The following CHD7 variants were observed in gnomAD, a reference collection of about 807,000 sequenced individuals.
CHD7 encodes the protein chromodomain helicase DNA binding protein 7.
A neutral mutation model predicts 307.3 loss-of-function variants in CHD7; 24 were observed. The observed-to-expected ratio is 0.08, with a 90% confidence interval of 0.06 to 0.11. CHD7 has a LOEUF of 0.11. Among genes scored for constraint, CHD7 ranks in the 10% least tolerant of loss-of-function variants. CHD7 has a pLI of 1.00. For missense variants in CHD7, 3,106 were observed against 3,727.1 expected (o/e 0.83, Z 4.34); for synonymous variants, 1,363 against 1,349.9 (o/e 1.01, Z -0.21).
In CHD7 at chr8:60,865,329, C is replaced by A. The variant is rs777405813; in HGVS notation, c.8390C>A (p.Pro2797His). ...GDAKNPAAVL[P>H]LMLPGMAGLP... ...GCGAAGAACCCTGCTGCTGTGCTGC[C>A]CCTGATGCTGCCAGGAATGGCGGGC... is the stretch of plus-strand genomic sequence containing the variant. Residue 2797 changes from proline to histidine, a missense_variant, in exon 38 of 38, where the codon CCC becomes CAC. Coordinates refer to ENST00000423902, the MANE Select transcript of CHD7 (RefSeq NM_017780.4). This position sits in a 1 kb window ranked among gnomAD's most constrained non-coding sequence, Gnocchi z 4.3. 1 of 1,612,356 alleles carries A rather than the reference C, an allele frequency of 6.2e-7. No individual in the cohort carries two copies. Among genetic ancestry groups the A allele is most frequent in the South Asian group, 1.1e-5 (1 of 90,788 alleles).
chr8:60,712,326 A>G (rs1439185331), intron 1 of CHD7, among the ~76,000 whole-genome samples: 1 of 152,332 alleles, frequency 6.6e-6, no homozygotes, highest in African/African-American at 2.4e-5. Context: ...GGTGTTTGGT[A>G]TCATTCTAAG....
In CHD7 at chr8:60,741,825, TGAGAG is replaced by T. The variant is rs754508814; in HGVS notation, c.395_399del (p.Glu132AlafsTer153). ...TGGGTGTCTACCCTGGCATGCAGAA[TGAGAG>T]GCATGGGCAATCCTTTGTGGACAGC... On this transcript the variant is annotated frameshift_variant, in exon 2 of 38. Coordinates refer to ENST00000423902, the MANE Select transcript of CHD7 (RefSeq NM_017780.4). LOFTEE classifies it high-confidence loss of function. The T allele has an allele frequency of 1.2e-6, 2 of 1,613,892 alleles. No individual in the cohort carries two copies. Among genetic ancestry groups the T allele is most frequent in the South Asian group, 2.2e-5 (2 of 91,060 alleles).
chr8:60,859,402 G>A (rs1805861872), intron 34 of CHD7, among the ~76,000 whole-genome samples: 1 of 152,230 alleles, frequency 6.6e-6, no homozygotes, highest in Non-Finnish European at 1.5e-5. Context: ...ACTATTCCCT[G>A]TGCCAGCACT....
chr8:60,851,531 A>T (rs1044464023), intron 28 of CHD7, among the ~76,000 whole-genome samples: 1 of 152,234 alleles, frequency 6.6e-6, no homozygotes, highest in African/African-American at 2.4e-5. Context: ...CTTTGATGAT[A>T]ATTAGCTGAT....
chr8:60,803,740 A>G (rs1203413424), intron 6 of CHD7, among the ~76,000 whole-genome samples: 1 of 152,252 alleles, frequency 6.6e-6, no homozygotes, highest in African/African-American at 2.4e-5. Flanking sequence ...CTAACTTTTT[A>G]AACTGCTAAT....
In CHD7 at chr8:60,742,250, C is replaced by G. The variant is rs762771594; in HGVS notation, c.818C>G (p.Pro273Arg). 1 of 1,613,910 alleles carries G rather than the reference C, an allele frequency of 6.2e-7. No individual in the cohort carries two copies. Among genetic ancestry groups the G allele is most frequent in the Non-Finnish European group, 8.5e-7 (1 of 1,179,888 alleles). ...ALHGESVAHS[P>R]RFSPNPPQQG... is the part of the protein sequence containing the mutation. ...CATGGAGAATCCGTTGCCCACAGTC[C>G]CAGATTCTCCCCGAATCCTCCCCAA... The change falls in exon 2 of 38, where the codon CCC becomes CGC. Residue 273 changes from proline to arginine, a missense_variant. Transcript: ENST00000423902.
chr8:60,711,061 G>C (rs554458810), intron 1 of CHD7, among the ~76,000 whole-genome samples: 20 of 152,214 alleles, frequency 1.3e-4, no homozygotes, highest in African/African-American at 4.6e-4. Flanking sequence ...GTTGACATTT[G>C]GTGAGCGTGA....
At chr8:60,832,750 A>G (rs926716453) in intron 15 of CHD7, among the ~76,000 whole-genome samples, 3 of 152,152 alleles carry the variant, frequency 2.0e-5, no homozygotes, top group Admixed American at 2.0e-4. Context: ...TATGCATTGA[A>G]CATTGTGGGT....
chr8:60,775,473 T>C (rs1378855251), intron 2 of CHD7, among the ~76,000 whole-genome samples: 2 of 129,916 alleles, frequency 1.5e-5, no homozygotes, highest in Non-Finnish European at 3.6e-5. Flanking sequence ...ATACTATCTT[T>C]TGAAACATTT....
rs374344463 is a variant in CHD7 at position 60,865,737 on chromosome 8, C to T, written c.8798C>T (p.Ser2933Phe). ...GCAGGACTTCAGAATGCCGTGGGCT[C>T]CAGCGAAGAAAAGGCTGCTGACAAG... ...ALAGLQNAVG[S>F]SEEKAADKAE... Residue 2933 changes from serine (S) to phenylalanine (F), a missense_variant, in exon 38 of 38, where the codon TCC becomes TTC. By Grantham distance (155) the Ser-to-Phe change is radical. Coordinates refer to ENST00000423902, the MANE Select transcript of CHD7 (RefSeq NM_017780.4). This position sits in a 1 kb window ranked among gnomAD's most constrained non-coding sequence, Gnocchi z 4.3. 1.9e-6 allele frequency: 3 copies of T among 1,612,122 alleles called. No homozygotes were observed. Among genetic ancestry groups the T allele is most frequent in the African/African-American group, 1.3e-5 (1 of 74,894 alleles).
chr8:60,755,065 A>C (rs1809825609), intron 2 of CHD7, among the ~76,000 whole-genome samples: 1 of 152,192 alleles, frequency 6.6e-6, no homozygotes, highest in African/African-American at 2.4e-5. Context: ...CTGGCACTGA[A>C]GGCCCTGTTG....
At chr8:60,809,917 A>G (rs1166164215) in intron 7 of CHD7, among the ~76,000 whole-genome samples, 1 of 152,244 alleles carries the variant, frequency 6.6e-6, no homozygotes, top group South Asian at 2.1e-4. Flanking sequence ...CTAAGGGGTG[A>G]TTTACTAATT....
intron 1 of CHD7, among the ~76,000 whole-genome samples, chr8:60,722,821 G>A (rs550630523): frequency 6.6e-6 from 1 of 152,310 alleles, no homozygotes; most frequent in South Asian, 2.1e-4. Context: ...CTGGTCTCAT[G>A]TGGACATGTA....
intron 1 of CHD7, among the ~76,000 whole-genome samples, chr8:60,688,124 C>T (rs1274216894): frequency 2.6e-5 from 4 of 152,216 alleles, no homozygotes; most frequent in African/African-American, 4.8e-5. Flanking sequence ...GCCTTTCACA[C>T]TTAAGGCCCT....
intron 13 of CHD7, among the ~76,000 whole-genome samples, chr8:60,827,515 G>A (rs1804308067): frequency 6.6e-6 from 1 of 152,102 alleles, no homozygotes; most frequent in African/African-American, 2.4e-5. Flanking sequence ...CAGCGATTGT[G>A]GCCCAGGCTA....
chr8:60,845,371 G>T lies in CHD7; in HGVS notation c.5172G>T (p.Glu1724Asp). ...GCAACCCAGATGCCCTGTTCCAGGA[G>T]GACAGCTACAAGAAACACCTGAAGC... ...ASCNPDALFQEDSYKKHLKHH... is the reference protein window; with the variant it reads ...ASCNPDALFQDDSYKKHLKHH... The change falls in exon 23 of 38, where the codon GAG (glutamate) becomes GAT (aspartate). Residue 1724 changes from glutamate (E) to aspartate (D), a missense_variant. Physicochemically the swap from Glu to Asp is conservative, Grantham distance 45. This residue lies in a region of CHD7 where 1,030 missense variants were observed against 1,165.4 expected (regional missense o/e 0.88). Transcript: ENST00000423902. The T allele has an allele frequency of 6.2e-7, 1 of 1,614,018 alleles. No homozygotes were observed. The highest frequency in any genetic ancestry group is 8.5e-7 in the Non-Finnish European group (1 of 1,179,894).
At chr8:60,802,173 T>C (rs893290221) in intron 6 of CHD7, among the ~76,000 whole-genome samples, 3 of 152,364 alleles carry the variant, frequency 2.0e-5, no homozygotes, top group Admixed American at 2.0e-4. Context: ...AGGTGAGCTC[T>C]AAGTATCTGT....
chr8:60,732,156 C>T (rs1387800689), intron 1 of CHD7, among the ~76,000 whole-genome samples: 1 of 152,178 alleles, frequency 6.6e-6, no homozygotes, highest in Non-Finnish European at 1.5e-5. Flanking sequence ...AGACTGTTTA[C>T]ACCCTTTCTA....
intron 4 of CHD7, among the ~76,000 whole-genome samples, chr8:60,799,411 C>T (rs1400751908): frequency 2.0e-5 from 3 of 152,152 alleles, no homozygotes; most frequent in Non-Finnish European, 4.4e-5. Context: ...TGGCTATTAC[C>T]AATCTTTTTA....
Sources: gnomAD v4.1 joint callset for allele counts (sites outside exome capture counted in the v4.1 genomes callset) on GRCh38, gnomAD v4.1.1 for gene constraint, gnomAD v4.1.1 regional missense constraint, Gnocchi (gnomAD v3.1) non-coding constraint, MANE v1.5 for transcripts, NCBI Gene and HGNC (gene_info 2026-07-23, HGNC 2026-07-21) for gene names.